ADCY1: variants seen among roughly 807,000 people sequenced by gnomAD.
ADCY1 encodes the protein adenylate cyclase 1, also known as adenylate cyclase type 1.
In ADCY1, 28 loss-of-function variants were observed where a neutral mutation model predicts 105.4. The ratio of observed to expected loss-of-function variants is 0.27; its 90% CI spans 0.20 to 0.36. The LOEUF is 0.36. ADCY1 is among the 10% of genes least tolerant of loss of function. The probability of loss-of-function intolerance (pLI) is 1.00; values close to 1 mark genes in which losing one functional copy is unlikely to be tolerated. For synonymous variants in ADCY1, 655 were observed against 623.8 expected (o/e 1.05, Z -0.75); for missense variants, 977 against 1,434.2 (o/e 0.68, Z 5.15).
rs1371911174 is a variant in ADCY1, at chr7:45,708,498, G to C, written c.2932+34G>C. On this transcript the variant is annotated intron_variant, in intron 18 of 19. Transcript: ENST00000297323. The surrounding 1 kb of genome is among the most constrained non-coding windows in gnomAD (Gnocchi z 4.7). ...CTCTAAACCTATCCTGTCCATCCATGTGGAACACCTTCCTACACCCACCTA... is the reference window on the plus strand; with the variant it reads ...CTCTAAACCTATCCTGTCCATCCATCTGGAACACCTTCCTACACCCACCTA... 2 of 1,520,926 alleles carry C rather than the reference G, an allele frequency of 1.3e-6. No individual in the cohort carries two copies. Among genetic ancestry groups the C allele is most frequent in the Non-Finnish European group, 1.8e-6 (2 of 1,096,030 alleles). 94.2% of individuals were successfully genotyped at this position (1,520,926 alleles called of 1,614,324 possible). A position where few individuals can be genotyped will look rare whatever the true frequency, so the allele number is the denominator to read the frequency against.
chr7:45,661,398 G>A (rs1795100982), intron 7 of ADCY1, among the ~76,000 whole-genome samples: 1 of 152,078 alleles, frequency 6.6e-6, no homozygotes, highest in South Asian at 2.1e-4. Flanking sequence ...CCGCATTCCT[G>A]GAGAGGAGAT....
At chr7:45,615,191 GAA>G (rs1389232854) in intron 3 of ADCY1, among the ~76,000 whole-genome samples, 4 of 152,140 alleles carry the variant, frequency 2.6e-5, no homozygotes, top group African/African-American at 9.7e-5. Context: ...ACAGAGGGAT[GAA>G]ATTAGAAATT....
rs58794109 is a variant in ADCY1 at position 45,706,492 on chromosome 7, CAAAAAAAAAA to C, written c.2818-1846_2818-1837del. ...TGCTGAAACAACTGGACATCACATG[CAAAAAAAAAA>C]AAAAAAAAAAAGAATATAGATGCAG... On this transcript the variant is annotated intron_variant, in intron 17 of 19. Transcript: ENST00000297323. Among the ~76,000 whole-genome samples, 89 of 59,466 alleles carry C rather than the reference CAAAAAAAAAA, an allele frequency of 1.5e-3. No homozygotes were observed. The East Asian group carries it at 0.04, about 27-fold the overall frequency. The allele number at this position is 59,466 out of a possible 152,430, so 39.0% of individuals were successfully genotyped here.
chr7:45,687,996 G>A (rs1027211958), intron 14 of ADCY1, among the ~76,000 whole-genome samples: 1 of 152,250 alleles, frequency 6.6e-6, no homozygotes, highest in Non-Finnish European at 1.5e-5. Flanking sequence ...GACCAGCTGA[G>A]AGCTCACTGT....
At chr7:45,677,679 C>T (rs1420168332) in intron 8 of ADCY1, among the ~76,000 whole-genome samples, 190 bp from the exon 9 acceptor site, 1 of 152,110 alleles carries the variant, frequency 6.6e-6, no homozygotes, top group Non-Finnish European at 1.5e-5. Context: ...GTGTGGGAAC[C>T]CCAACACTGG....
intron 1 of ADCY1, among the ~76,000 whole-genome samples, chr7:45,576,314 C>A (rs1792346225): frequency 6.6e-6 from 1 of 152,094 alleles, no homozygotes; most frequent in South Asian, 2.1e-4. Flanking sequence ...AAGGAGGCAT[C>A]CTTAGACTGT....
At chr7:45,661,361 G>T (rs1795099308) in intron 7 of ADCY1, among the ~76,000 whole-genome samples, 1 of 151,972 alleles carries the variant, frequency 6.6e-6, no homozygotes, top group Admixed American at 6.6e-5. Context: ...AAGTTGAGAG[G>T]TAGGCAGCGA....
At position 45,720,139 on chromosome 7, in the gene ADCY1, G is replaced by C. The variant is rs1000058629; in HGVS notation, c.*6144G>C. ...CTGTCAGCTTCATTCTCTCTCAGCT[G>C]TGCAGTGGAAGAGCAACAACAGACA... On this transcript the variant is annotated 3_prime_UTR_variant, in exon 20 of 20. Transcript: ENST00000297323. 1 of 152,136 alleles carries C rather than the reference G, an allele frequency of 6.6e-6. No individual in the cohort carries two copies. Among genetic ancestry groups the C allele is most frequent in the Non-Finnish European group, 1.5e-5 (1 of 68,046 alleles). 9.4% of individuals were successfully genotyped at this position (152,136 alleles called of 1,614,324 possible). A position where few individuals can be genotyped will look rare whatever the true frequency, so the allele number is the denominator to read the frequency against.
intron 2 of ADCY1, among the ~76,000 whole-genome samples, chr7:45,604,591 A>G (rs752442890): frequency 6.6e-6 from 1 of 152,086 alleles, no homozygotes; most frequent in Non-Finnish European, 1.5e-5. Flanking sequence ...CCCTTCCTCC[A>G]TTGAATTACT....
intron 4 of ADCY1, among the ~76,000 whole-genome samples, chr7:45,634,167 G>A (rs1450306341): frequency 1.3e-5 from 2 of 152,094 alleles, no homozygotes; most frequent in Non-Finnish European, 2.9e-5. Context: ...AAATCATCAT[G>A]TTGTTTGCAA....
chr7:45,646,531 C>T (rs1794669124), intron 4 of ADCY1, among the ~76,000 whole-genome samples: 1 of 152,226 alleles, frequency 6.6e-6, no homozygotes, highest in African/African-American at 2.4e-5. Context: ...GCACAGAGAC[C>T]CTTGCCCAGA....
chr7:45,614,957 AACAG>A (rs1198511114), intron 3 of ADCY1, among the ~76,000 whole-genome samples: 4 of 152,262 alleles, frequency 2.6e-5, no homozygotes, highest in African/African-American at 7.2e-5. Context: ...TATTTTTGAT[AACAG>A]ACAGAGCATC....
intron 8 of ADCY1, among the ~76,000 whole-genome samples, chr7:45,667,943 G>A (rs1394927479): frequency 1.3e-5 from 2 of 152,186 alleles, no homozygotes; most frequent in African/African-American, 4.8e-5. Flanking sequence ...TGTTATTGGT[G>A]TATAAGAATG....
At chr7:45,709,242 T>C (rs775433210) in intron 18 of ADCY1, among the ~76,000 whole-genome samples, 32 of 152,200 alleles carry the variant, frequency 2.1e-4, no homozygotes, top group Admixed American at 9.8e-4. Flanking sequence ...GTGAGCCAGC[T>C]GGGCCCTGGG....
intron 4 of ADCY1, among the ~76,000 whole-genome samples, chr7:45,627,778 A>G (rs1794105696): frequency 6.6e-6 from 1 of 152,152 alleles, no homozygotes; most frequent in African/African-American, 2.4e-5. Context: ...CTATCTGTGC[A>G]TGATGGCTCT....
chr7:45,620,972 G>A (rs1793874317), intron 3 of ADCY1, among the ~76,000 whole-genome samples: 1 of 152,040 alleles, frequency 6.6e-6, no homozygotes, highest in South Asian at 2.1e-4. Context: ...TGACTTCCCT[G>A]CTTTTCCATA....
At chr7:45,701,504 A>G (rs1308128753) in intron 14 of ADCY1, among the ~76,000 whole-genome samples, 1 of 152,234 alleles carries the variant, frequency 6.6e-6, no homozygotes, top group Non-Finnish European at 1.5e-5. Flanking sequence ...TAACATTAAC[A>G]ATGGTATTTT....
Position 45,703,349 on chromosome 7 carries a change from G to A in ADCY1, c.2455-27G>A. 1.9e-6 allele frequency: 3 copies of A among 1,606,232 alleles called. No individual in the cohort carries two copies. The highest frequency in any genetic ancestry group is 1.3e-5 in the African/African-American group (1 of 74,842). On this transcript the variant is annotated intron_variant, in intron 14 of 19. Transcript: ENST00000297323. The surrounding 1 kb of genome is among the most constrained non-coding windows in gnomAD (Gnocchi z 5.9). ...AAGTGAAGGCAGCGTGAGTGGATGG[G>A]ACTAATGGAGGCTCATGATACCCCA...
chr7:45,667,757 C>T (rs893097591), intron 8 of ADCY1, among the ~76,000 whole-genome samples: 7 of 152,136 alleles, frequency 4.6e-5, no homozygotes, highest in Admixed American at 1.3e-4. Flanking sequence ...TCTTCCTATC[C>T]GTGAGCATGG....
Sources: allele counts gnomAD v4.1 joint callset (sites outside exome capture counted in the v4.1 genomes callset), GRCh38; gene constraint gnomAD v4.1.1; non-coding constraint Gnocchi (gnomAD v3.1); transcripts MANE v1.5; gene names NCBI Gene and HGNC (gene_info 2026-07-23, HGNC 2026-07-21).